The following LHFPL2 variants were observed in gnomAD, a reference collection of about 807,000 sequenced individuals.
LHFPL2 encodes LHFPL tetraspan subfamily member 2, also known as LHFPL tetraspan subfamily member 2 protein.
In LHFPL2, 7 loss-of-function variants were observed where a neutral mutation model predicts 17.5. That is an observed-to-expected ratio of 0.40 (90% CI 0.23 to 0.75). The LOEUF (loss-of-function observed/expected upper bound fraction) is 0.75, where lower values mean the gene tolerates loss of function less well. Among genes scored for constraint, LHFPL2 ranks in the 30% least tolerant of loss-of-function variants. LHFPL2 has a pLI of 0.37. For synonymous variants in LHFPL2, 134 were observed against 116.2 expected, an observed-to-expected ratio of 1.15 and a Z score of -0.99; for missense variants, 241 against 294.8, an observed-to-expected ratio of 0.82 and a Z score of 1.34.
chr5:78,492,391 C>A (rs1313477476), intron 4 of LHFPL2, among the ~76,000 whole-genome samples: 2 of 152,194 alleles, frequency 1.3e-5, no homozygotes, highest in Non-Finnish European at 2.9e-5. Context: ...CCAGCTCTGC[C>A]ACCTTGTGTC....
At chr5:78,583,932 G>C (rs1743258643) in intron 2 of LHFPL2, among the ~76,000 whole-genome samples, 1 of 151,796 alleles carries the variant, frequency 6.6e-6, no homozygotes, top group Admixed American at 6.6e-5. Context: ...ATCAGACGTA[G>C]ATTTGGTCTT....
chr5:78,520,089 A>C (rs1755406631), intron 3 of LHFPL2, among the ~76,000 whole-genome samples: 1 of 152,152 alleles, frequency 6.6e-6, no homozygotes, highest in Admixed American at 6.5e-5. Flanking sequence ...GGAACACAAA[A>C]ACTGTGCACG....
chr5:78,571,178 T>G (rs556838569), intron 2 of LHFPL2, among the ~76,000 whole-genome samples: 2 of 152,260 alleles, frequency 1.3e-5, no homozygotes, highest in African/African-American at 4.8e-5. Flanking sequence ...GTCCTGGAGT[T>G]TGCTGCACAC....
intron 1 of LHFPL2, among the ~76,000 whole-genome samples, chr5:78,647,632 T>C (rs543860293): frequency 6.6e-6 from 1 of 152,086 alleles, no homozygotes; most frequent in Admixed American, 6.5e-5. Flanking sequence ...ATACAGGAAA[T>C]GGCCCGGGTG....
chr5:78,524,851 A>C (rs1712839377), intron 3 of LHFPL2, among the ~76,000 whole-genome samples: 1 of 152,066 alleles, frequency 6.6e-6, no homozygotes. Flanking sequence ...CTCCCTGTTG[A>C]GTATTTTTTA....
At position 78,645,664 on chromosome 5, in the gene LHFPL2, C is replaced by T. The variant is rs139427821; in HGVS notation, c.-350+2835G>A. Among the ~76,000 whole-genome samples the T allele has an allele frequency of 4.1e-4, 63 of 152,050 alleles. 1 individual carries two copies. In the East Asian group the frequency reaches 0.011, roughly 27 times the overall value. Reference sequence around the variant, plus strand: ...ATGGTGCCGTCTCAGCTCGCTGTAACCTCCGCCACCCGGGTTCAAGCGATT... The same window carrying T: ...ATGGTGCCGTCTCAGCTCGCTGTAATCTCCGCCACCCGGGTTCAAGCGATT... On this transcript the variant is annotated intron_variant, in intron 1 of 4. Coordinates refer to ENST00000380345, the MANE Select transcript of LHFPL2 (RefSeq NM_005779.3).
chr5:78,572,930 C>T (rs987986951), intron 2 of LHFPL2, among the ~76,000 whole-genome samples: 5 of 152,196 alleles, frequency 3.3e-5, no homozygotes, highest in South Asian at 4.2e-4. Flanking sequence ...ATTCCTCGCA[C>T]GCACGGTTCA....
At chr5:78,500,379 T>A (rs780652689) in intron 4 of LHFPL2, among the ~76,000 whole-genome samples, 2 of 152,166 alleles carry the variant, frequency 1.3e-5, no homozygotes, top group East Asian at 3.9e-4. Context: ...GTTAAACCCA[T>A]GTCATTGAGG....
rs1754300074 is a variant in LHFPL2, at chr5:78,487,869, TA to T, written c.*1027del. On this transcript the variant is annotated 3_prime_UTR_variant, in exon 5 of 5. Coordinates refer to ENST00000380345, the MANE Select transcript of LHFPL2 (RefSeq NM_005779.3). Reference sequence around the variant, plus strand: ...ACTACAAAAACTTAACTCCCATAACTAGCTTCTTTTTGTTGTAGAATGCCAT... The same window carrying T: ...ACTACAAAAACTTAACTCCCATAACTGCTTCTTTTTGTTGTAGAATGCCAT... 2 of 152,194 alleles carry T rather than the reference TA, an allele frequency of 1.3e-5. No homozygotes were observed. The highest frequency in any genetic ancestry group is 1.3e-4 in the Admixed American group (2 of 15,274). The allele number at this position is 152,194 out of a possible 1,614,324, so 9.4% of individuals were successfully genotyped here.
intron 1 of LHFPL2, among the ~76,000 whole-genome samples, chr5:78,636,337 T>A (rs1360353667): frequency 6.6e-6 from 1 of 152,254 alleles, no homozygotes; most frequent in Non-Finnish European, 1.5e-5. Flanking sequence ...ATTTCTCTAA[T>A]GGTAGAATTG....
intron 2 of LHFPL2, among the ~76,000 whole-genome samples, chr5:78,582,263 GT>G (rs1417394893): frequency 2.6e-4 from 40 of 152,060 alleles, no homozygotes; most frequent in Admixed American, 2.5e-3. Flanking sequence ...TTTTTTGAAG[GT>G]TTTTTTGTGT....
intron 2 of LHFPL2, among the ~76,000 whole-genome samples, chr5:78,566,846 G>C (rs1756873250): frequency 6.6e-6 from 1 of 152,122 alleles, no homozygotes; most frequent in Non-Finnish European, 1.5e-5. Flanking sequence ...TACCCTTTAG[G>C]GGAAGTCATG....
chr5:78,643,976 C>T (rs994137369), intron 1 of LHFPL2, among the ~76,000 whole-genome samples: 3 of 152,106 alleles, frequency 2.0e-5, no homozygotes, highest in African/African-American at 7.2e-5. Context: ...ATGGGAGAAT[C>T]GCTTGAACCC....
At chr5:78,521,417 A>G (rs1755454343) in intron 3 of LHFPL2, among the ~76,000 whole-genome samples, 1 of 152,254 alleles carries the variant, frequency 6.6e-6, no homozygotes, top group Non-Finnish European at 1.5e-5. Context: ...ATGTTTTAAA[A>G]TCTAATACTC....
chr5:78,559,035 C>T (rs1227208484), intron 3 of LHFPL2, among the ~76,000 whole-genome samples: 3 of 152,194 alleles, frequency 2.0e-5, no homozygotes, highest in African/African-American at 7.2e-5. Flanking sequence ...TATGTTTCAT[C>T]AGTCGGCTGC....
chr5:78,606,700 A>C (rs951721540), intron 2 of LHFPL2, among the ~76,000 whole-genome samples: 1 of 152,172 alleles, frequency 6.6e-6, no homozygotes, highest in Non-Finnish European at 1.5e-5. Context: ...TTTTTTTGAC[A>C]GTCTTGCTCT....
chr5:78,516,503 CA>C (rs920028945), intron 3 of LHFPL2, among the ~76,000 whole-genome samples: 2 of 152,060 alleles, frequency 1.3e-5, no homozygotes, highest in African/African-American at 4.8e-5. Flanking sequence ...CGCTGTCAAA[CA>C]AAAATTACCT....
Position 78,510,275 on chromosome 5 carries a change from G to C in LHFPL2, c.-62C>G, listed in dbSNP as rs1755073126. On this transcript the variant is annotated 5_prime_UTR_variant, in exon 4 of 5. Coordinates refer to ENST00000380345, the MANE Select transcript of LHFPL2 (RefSeq NM_005779.3). ...CGGAGTTAATCAAAACAAGAAAGTC[G>C]GTGGGGAAGGAGGCTCGGGCGGCCC... The C allele has an allele frequency of 2.0e-6, 3 of 1,464,820 alleles. No homozygotes were observed. Among genetic ancestry groups the C allele is most frequent in the Middle Eastern group, 1.8e-4 (1 of 5,526 alleles). The allele number at this position is 1,464,820 out of a possible 1,614,324, so 90.7% of individuals were successfully genotyped here. A position where few individuals can be genotyped will look rare whatever the true frequency, so the allele number is the denominator to read the frequency against.
intron 1 of LHFPL2, among the ~76,000 whole-genome samples, chr5:78,637,594 G>A (rs1191446607): frequency 2.0e-5 from 3 of 152,234 alleles, no homozygotes; most frequent in Admixed American, 2.0e-4. Flanking sequence ...CCAACTTCAA[G>A]TCAGACCTCA....
Sources: allele counts gnomAD v4.1 joint callset (sites outside exome capture counted in the v4.1 genomes callset), GRCh38; gene constraint gnomAD v4.1.1; transcripts MANE v1.5; gene names NCBI Gene and HGNC (gene_info 2026-07-23, HGNC 2026-07-21).